The following PYROXD1 variants were observed in gnomAD, a reference collection of about 807,000 sequenced individuals.
PYROXD1 encodes the protein tRNA ligase complex-associated NAD(P)H dehydrogenase PYROXD1.
PYROXD1 carries 42 observed loss-of-function variants against 62.0 expected under a neutral mutation model. The observed-to-expected ratio is 0.68, with a 90% CI of 0.53 to 0.88. The LOEUF is 0.88. Among genes scored for constraint, PYROXD1 ranks in the 40% least tolerant of loss-of-function variants. PYROXD1 has a pLI of 0.00. For synonymous variants in PYROXD1, 170 were observed against 206.4 expected (o/e 0.82, Z 1.51); for missense variants, 493 against 604.8 (o/e 0.82, Z 1.94).
At chr12:21,450,284 T>C (rs1288469103) in intron 4 of PYROXD1, among the ~76,000 whole-genome samples, 1 of 152,148 alleles carries the variant, frequency 6.6e-6, no homozygotes, top group Non-Finnish European at 1.5e-5. Flanking sequence ...CAACTTATAT[T>C]ACACACACAT....
chr12:21,455,515 A>G (rs559865854), intron 6 of PYROXD1, among the ~76,000 whole-genome samples: 1 of 151,072 alleles, frequency 6.6e-6, no homozygotes, highest in Non-Finnish European at 1.5e-5. Flanking sequence ...TGAATAACTC[A>G]GCCCATCTGC....
At chr12:21,453,657 CTG>C (rs2137265047) in intron 5 of PYROXD1, among the ~76,000 whole-genome samples, 1 of 152,092 alleles carries the variant, frequency 6.6e-6, no homozygotes, top group African/African-American at 2.4e-5. Flanking sequence ...AATCGTCAAA[CTG>C]TGCATCTTGC....
intron 4 of PYROXD1, 71 bp downstream of exon 4, chr12:21,449,762 C>T (rs917881490): frequency 4.4e-6 from 6 of 1,354,070 alleles, no homozygotes; most frequent in African/African-American, 4.4e-5. Flanking sequence ...AAGTGTTCCA[C>T]TTACAATTCC....
Position 21,470,284 on chromosome 12 carries a change from T to C in PYROXD1, c.*1530T>C. 2 of 1,607,892 alleles carry C rather than the reference T, an allele frequency of 1.2e-6. No individual in the cohort carries two copies. Among genetic ancestry groups the C allele is most frequent in the Non-Finnish European group, 1.7e-6 (2 of 1,177,852 alleles). On this transcript the variant is annotated 3_prime_UTR_variant, in exon 12 of 12. Coordinates refer to ENST00000240651, the MANE Select transcript of PYROXD1 (RefSeq NM_024854.5). ...TTGCAGCCTTCTTCTGGAAGTTGCC[T>C]GAATTTTTTTCCTCCATCTTTTTAT... is the stretch of plus-strand genomic sequence containing the variant.
chr12:21,445,306 A>G (rs1565544799), intron 2 of PYROXD1, 41 bp from the exon 3 acceptor site: 1 of 1,483,006 alleles, frequency 6.7e-7, no homozygotes, highest in Non-Finnish European at 9.0e-7. Context: ...GAAAGAAAAT[A>G]CTTTAAAAAT....
chr12:21,452,177 G>GTT, intron 5 of PYROXD1, 23 bp downstream of exon 5: 2 of 1,363,990 alleles, frequency 1.5e-6, no homozygotes, highest in Non-Finnish European at 2.0e-6. Context: ...TTTTAAATAT[G>GTT]ATAACATTTA....
chr12:21,467,766 C>G, intron 11 of PYROXD1, 148 bp downstream of exon 11: 2 of 615,842 alleles, frequency 3.2e-6, no homozygotes, highest in East Asian at 5.8e-5. Context: ...AAACCAATAC[C>G]TGGTATTATT....
At chr12:21,460,185 G>C (rs368887602) in intron 7 of PYROXD1, among the ~76,000 whole-genome samples, 109 of 151,960 alleles carry the variant, frequency 7.2e-4, no homozygotes, top group African/African-American at 2.3e-3. Context: ...TCTAATTTTT[G>C]TGATGGAAAT....
intron 6 of PYROXD1, among the ~76,000 whole-genome samples, chr12:21,455,621 T>A (rs1351269529): frequency 3.3e-5 from 5 of 151,640 alleles, no homozygotes; most frequent in Non-Finnish European, 7.4e-5. Flanking sequence ...CATATTTTTT[T>A]AAGTTTGATA....
At chr12:21,452,331 T>C (rs1036192271) in intron 5 of PYROXD1, among the ~76,000 whole-genome samples, 177 bp downstream of exon 5, 2 of 152,100 alleles carry the variant, frequency 1.3e-5, no homozygotes, top group Non-Finnish European at 2.9e-5. Context: ...AAATCCACCA[T>C]ATTTTTTTAG....
In PYROXD1 at chr12:21,437,774, T is replaced by C. The variant is rs1438731274; in HGVS notation, c.44T>C (p.Val15Ala). 4 of 1,613,086 alleles carry C rather than the reference T, an allele frequency of 2.5e-6. No homozygotes were observed. The highest frequency in any genetic ancestry group is 3.4e-6 in the Non-Finnish European group (4 of 1,179,778). Residue 15 changes from valine (V) to alanine (A), a missense_variant, in exon 1 of 12, where the codon GTG (valine) becomes GCG (alanine). By Grantham distance (64) the Val-to-Ala change is moderately conservative. Coordinates refer to ENST00000240651, the MANE Select transcript of PYROXD1 (RefSeq NM_024854.5). ...CCCCCGACGGCAGGGAAGTTCGTGG[T>C]GGTCGGCGGCGGCATCGCGGGCGTC... The part of the protein sequence containing the change: ...RPPPTAGKFV[V>A]VGGGIAGVTC...
rs1021698817 is a variant in PYROXD1 at position 21,463,940 on chromosome 12, A to G, written c.1116+1078A>G. Among the ~76,000 whole-genome samples, 4 of 152,226 alleles carry G rather than the reference A, an allele frequency of 2.6e-5. No individual in the cohort carries two copies. The East Asian group carries it at 5.8e-4, about 22-fold the overall frequency. ...AAAGACCAGCTCCACAGTTAGGGACATTATTCATTCAGATTATGCAGTGTG... is the reference window on the plus strand; with the variant it reads ...AAAGACCAGCTCCACAGTTAGGGACGTTATTCATTCAGATTATGCAGTGTG... On this transcript the variant is annotated intron_variant, in intron 10 of 11. Coordinates refer to ENST00000240651, the MANE Select transcript of PYROXD1 (RefSeq NM_024854.5).
intron 10 of PYROXD1, among the ~76,000 whole-genome samples, chr12:21,464,571 G>A (rs1942756845): frequency 6.6e-6 from 1 of 152,114 alleles, no homozygotes; most frequent in Non-Finnish European, 1.5e-5. Context: ...GAAACCAAGT[G>A]CTTATTATAC....
At chr12:21,464,992 C>T (rs1942766164) in intron 10 of PYROXD1, among the ~76,000 whole-genome samples, 1 of 152,164 alleles carries the variant, frequency 6.6e-6, no homozygotes, top group African/African-American at 2.4e-5. Context: ...CTACAAAGGA[C>T]ATGAACTCAT....
At chr12:21,451,655 T>C (rs1317092006) in intron 4 of PYROXD1, among the ~76,000 whole-genome samples, 1 of 149,340 alleles carries the variant, frequency 6.7e-6, no homozygotes, top group Admixed American at 6.8e-5. Context: ...TTCCAGAGTC[T>C]GTGCTCTTAA....
chr12:21,454,034 A>G (rs916064163), intron 5 of PYROXD1, among the ~76,000 whole-genome samples: 2 of 151,998 alleles, frequency 1.3e-5, no homozygotes, highest in African/African-American at 2.4e-5. Flanking sequence ...TTACTGACAT[A>G]GAAGAGCTGG....
chr12:21,445,158 G>A (rs961481748), intron 2 of PYROXD1, among the ~76,000 whole-genome samples, 189 bp from the exon 3 acceptor site: 4 of 152,082 alleles, frequency 2.6e-5, no homozygotes, highest in African/African-American at 7.2e-5. Context: ...GCCCAGGAGC[G>A]GCCAAGCAAA....
intron 7 of PYROXD1, among the ~76,000 whole-genome samples, chr12:21,457,920 T>C (rs935510204): frequency 1.3e-5 from 2 of 148,204 alleles, no homozygotes; most frequent in African/African-American, 5.0e-5. Flanking sequence ...ATCCAGGCTT[T>C]GTTGTTCCAT....
At chr12:21,450,868 G>A (rs1287859507) in intron 4 of PYROXD1, among the ~76,000 whole-genome samples, 1 of 152,092 alleles carries the variant, frequency 6.6e-6, no homozygotes, top group African/African-American at 2.4e-5. Flanking sequence ...AATCCTGTGT[G>A]ACGATTATTA....
Sources: gnomAD v4.1 joint callset for allele counts (sites outside exome capture counted in the v4.1 genomes callset) on GRCh38, gnomAD v4.1.1 for gene constraint, MANE v1.5 for transcripts, NCBI Gene and HGNC (gene_info 2026-07-23, HGNC 2026-07-21) for gene names.